The following PTPRT variants were observed in gnomAD, a reference collection of about 807,000 sequenced individuals.
PTPRT encodes the protein receptor-type tyrosine-protein phosphatase T.
PTPRT carries 56 observed loss-of-function variants against 176.8 expected under a neutral mutation model. That is an observed-to-expected ratio of 0.32 (90% CI 0.26 to 0.40). The LOEUF (loss-of-function observed/expected upper bound fraction) is 0.40. Among genes scored for constraint, PTPRT ranks in the 10% least tolerant of loss-of-function variants. The pLI is 1.00. For missense variants in PTPRT, 1,540 were observed against 1,908.2 expected, an observed-to-expected ratio of 0.81 and a Z score of 3.60; for synonymous variants, 783 against 739.0, an observed-to-expected ratio of 1.06 and a Z score of -0.96.
At position 42,801,807 on chromosome 20, in the gene PTPRT, T is replaced by C. The variant is rs573294910; in HGVS notation, c.215-10341A>G. On this transcript the variant is annotated intron_variant, in intron 2 of 30. Coordinates refer to ENST00000373187, the MANE Select transcript of PTPRT (RefSeq NM_007050.6). The stretch of plus-strand genomic sequence containing the variant: ...GAAAGAATGTTCCATGCAGATGAAA[T>C]AGCCTGTTTCAAAGCCAAGGAACAA... Among the ~76,000 whole-genome samples, 16 of 152,272 alleles carry C rather than the reference T, an allele frequency of 1.1e-4. No individual in the cohort carries two copies. In the East Asian group the frequency reaches 3.1e-3, roughly 29 times the overall value.
intron 6 of PTPRT, among the ~76,000 whole-genome samples, chr20:42,752,990 G>T (rs2076786788): frequency 6.6e-6 from 1 of 152,138 alleles, no homozygotes; most frequent in Non-Finnish European, 1.5e-5. Flanking sequence ...CGGGGCAGGG[G>T]GTGAGGGTAG....
chr20:42,130,866 ATGG>A (rs1988091656), intron 18 of PTPRT, among the ~76,000 whole-genome samples: 1 of 152,180 alleles, frequency 6.6e-6, no homozygotes, highest in Non-Finnish European at 1.5e-5. Flanking sequence ...TATTGGATTC[ATGG>A]TAGGTAAGAG....
intron 15 of PTPRT, among the ~76,000 whole-genome samples, chr20:42,212,910 G>A (rs965835760): frequency 3.9e-5 from 6 of 152,172 alleles, no homozygotes; most frequent in Non-Finnish European, 8.8e-5. Context: ...CTAGAGCCAT[G>A]CTTTTCAGCT....
intron 1 of PTPRT, among the ~76,000 whole-genome samples, chr20:43,091,508 T>TC (rs1254906128): frequency 7.8e-6 from 1 of 128,488 alleles, no homozygotes; most frequent in Non-Finnish European, 1.7e-5. Context: ...TCTCTCTCTC[T>TC]CCCCCCTCTC....
intron 7 of PTPRT, among the ~76,000 whole-genome samples, chr20:42,580,209 G>A (rs1234388482): frequency 1.3e-5 from 2 of 152,168 alleles, no homozygotes; most frequent in Admixed American, 6.5e-5. Flanking sequence ...AGATCAGATA[G>A]TTGTAGATAT....
At chr20:42,249,617 T>A (rs1286000472) in intron 13 of PTPRT, among the ~76,000 whole-genome samples, 3 of 152,172 alleles carry the variant, frequency 2.0e-5, no homozygotes, top group Non-Finnish European at 4.4e-5. Flanking sequence ...CAAGGGAAGT[T>A]GCTAAAAGTC....
intron 27 of PTPRT, among the ~76,000 whole-genome samples, chr20:42,086,726 CAAAAAAAAAAAAA>C (rs367948746): frequency 8.5e-5 from 7 of 82,206 alleles, no homozygotes; most frequent in Admixed American, 2.4e-4. Context: ...GACTCCATCT[CAAAAAAAAAAAAA>C]AAAAAAAAAA....
At chr20:42,177,145 G>C (rs1990327888) in intron 16 of PTPRT, among the ~76,000 whole-genome samples, 1 of 152,184 alleles carries the variant, frequency 6.6e-6, no homozygotes, top group Non-Finnish European at 1.5e-5. Context: ...TACATATCTA[G>C]AGATCTTCTA....
chr20:43,116,949 T>C (rs1243133888), intron 1 of PTPRT, among the ~76,000 whole-genome samples: 1 of 152,092 alleles, frequency 6.6e-6, no homozygotes, highest in Non-Finnish European at 1.5e-5. Flanking sequence ...TGTCTGTATG[T>C]TGTCTGGGGT....
At chr20:42,085,292 T>C (rs983573645) in intron 28 of PTPRT, among the ~76,000 whole-genome samples, 4 of 152,090 alleles carry the variant, frequency 2.6e-5, no homozygotes, top group African/African-American at 9.7e-5. Flanking sequence ...ATTTCATAGA[T>C]TGCTAATCTG....
At chr20:42,723,967 G>A (rs757297477) in intron 6 of PTPRT, among the ~76,000 whole-genome samples, 1 of 152,178 alleles carries the variant, frequency 6.6e-6, no homozygotes, top group Non-Finnish European at 1.5e-5. Context: ...TTTGATCTTA[G>A]TGAGTTCATA....
At chr20:43,070,826 G>A (rs992147024) in intron 1 of PTPRT, among the ~76,000 whole-genome samples, 1 of 151,834 alleles carries the variant, frequency 6.6e-6, no homozygotes, top group African/African-American at 2.4e-5. Context: ...GGCCTGTTGT[G>A]GGGTGGGGGG....
At chr20:42,104,765 G>A (rs936447940) in intron 24 of PTPRT, 47 bp from the exon 25 acceptor site, 12 of 1,512,052 alleles carry the variant, frequency 7.9e-6, no homozygotes, top group African/African-American at 1.4e-5. Context: ...AAGAACAGTG[G>A]CCTGGGAATT....
chr20:43,092,820 T>A (rs2011941772), intron 1 of PTPRT, among the ~76,000 whole-genome samples: 1 of 152,212 alleles, frequency 6.6e-6, no homozygotes, highest in Non-Finnish European at 1.5e-5. Context: ...GACATGAGAC[T>A]GACGAGAAAT....
chr20:42,306,637 C>T (rs369612360), intron 12 of PTPRT, among the ~76,000 whole-genome samples: 1 of 152,150 alleles, frequency 6.6e-6, no homozygotes. Flanking sequence ...CAAACGGTTA[C>T]GTGGGGGCCT....
At chr20:42,348,618 C>T (rs780426197) in intron 11 of PTPRT, among the ~76,000 whole-genome samples, 3 of 151,996 alleles carry the variant, frequency 2.0e-5, no homozygotes, top group Non-Finnish European at 4.4e-5. Context: ...TACAATGTTG[C>T]GAGAATACAG....
intron 7 of PTPRT, among the ~76,000 whole-genome samples, chr20:42,497,663 T>C (rs2071679143): frequency 6.6e-6 from 1 of 152,200 alleles, no homozygotes; most frequent in African/African-American, 2.4e-5. Flanking sequence ...ACCCCAGCTT[T>C]AGATCCTTTA....
At chr20:42,843,006 C>T (rs1452766895) in intron 2 of PTPRT, among the ~76,000 whole-genome samples, 1 of 152,170 alleles carries the variant, frequency 6.6e-6, no homozygotes, top group Non-Finnish European at 1.5e-5. Flanking sequence ...GATACGAACA[C>T]CTAGACCACA....
At chr20:42,677,842 G>A (rs2146063393) in intron 7 of PTPRT, 24 bp downstream of exon 7, 1 of 1,477,912 alleles carries the variant, frequency 6.8e-7, no homozygotes, top group Non-Finnish European at 8.9e-7. Context: ...TCATAATGGA[G>A]CCTGGGAAAA....
Sources: gnomAD v4.1 joint callset for allele counts (sites outside exome capture counted in the v4.1 genomes callset) on GRCh38, gnomAD v4.1.1 for gene constraint, MANE v1.5 for transcripts, NCBI Gene and HGNC (gene_info 2026-07-23, HGNC 2026-07-21) for gene names.